Variants in LRP1B observed in about 807,000 individuals in gnomAD.
LRP1B encodes the protein low-density lipoprotein receptor-related protein 1B.
In LRP1B, 217 loss-of-function variants were observed where a neutral mutation model predicts 556.6. The ratio of observed to expected loss-of-function variants is 0.39; its 90% confidence interval spans 0.35 to 0.44. The LOEUF is 0.44. Among genes scored for constraint, LRP1B ranks in the 20% least tolerant of loss-of-function variants. The pLI, the probability that LRP1B is intolerant of heterozygous loss-of-function variation, is 1.00. For synonymous variants in LRP1B, 2,047 were observed against 1,865.8 expected, an observed-to-expected ratio of 1.10 and a Z score of -2.50; for missense variants, 5,053 against 5,620.8, an observed-to-expected ratio of 0.90 and a Z score of 3.23.
intron 41 of LRP1B, among the ~76,000 whole-genome samples, chr2:140,652,873 A>C (rs1684739896): frequency 6.6e-6 from 1 of 152,136 alleles, no homozygotes; most frequent in South Asian, 2.1e-4. Context: ...TACTTAAAAA[A>C]ATTGTTGAAA....
intron 11 of LRP1B, among the ~76,000 whole-genome samples, chr2:141,028,437 G>A (rs892030368): frequency 6.6e-6 from 1 of 151,644 alleles, no homozygotes; most frequent in African/African-American, 2.4e-5. Flanking sequence ...TGTTAAGACG[G>A]GTGTATTATG....
At chr2:140,923,193 G>A (rs747689531) in intron 20 of LRP1B, 46 bp from the exon 21 acceptor site, 1 of 1,424,550 alleles carries the variant, frequency 7.0e-7, no homozygotes, top group Non-Finnish European at 9.7e-7. Flanking sequence ...GGCAAGACAG[G>A]AGAGAAATTA....
At chr2:141,879,840 ATTACT>A (rs1342741295) in intron 1 of LRP1B, among the ~76,000 whole-genome samples, 2 of 152,146 alleles carry the variant, frequency 1.3e-5, no homozygotes, top group East Asian at 3.9e-4. Context: ...ATTTTTAAAA[ATTACT>A]TTATACTCCA....
At chr2:141,304,666 A>AT (rs1418487756) in intron 3 of LRP1B, among the ~76,000 whole-genome samples, 3 of 150,306 alleles carry the variant, frequency 2.0e-5, no homozygotes, top group Non-Finnish European at 3.0e-5. Flanking sequence ...CTATATATAT[A>AT]TATTTTTTAT....
At chr2:141,018,831 T>C (rs541144591) in intron 12 of LRP1B, among the ~76,000 whole-genome samples, 18 of 152,080 alleles carry the variant, frequency 1.2e-4, no homozygotes, top group Non-Finnish European at 2.2e-4. Context: ...ATGAAACACT[T>C]ACAATGAGTT....
At chr2:141,836,507 G>A (rs1697284187) in intron 1 of LRP1B, among the ~76,000 whole-genome samples, 3 of 151,644 alleles carry the variant, frequency 2.0e-5, no homozygotes, top group African/African-American at 7.3e-5. Flanking sequence ...CCTCTAAGCA[G>A]AATCAAACAG....
chr2:141,889,384 C>G (rs1033712787), intron 1 of LRP1B, among the ~76,000 whole-genome samples: 2 of 152,118 alleles, frequency 1.3e-5, no homozygotes, highest in African/African-American at 2.4e-5. Flanking sequence ...GCAAACTCAT[C>G]ATGTTTCTCC....
At chr2:140,423,624 T>C (rs1685540368) in intron 66 of LRP1B, among the ~76,000 whole-genome samples, 1 of 152,126 alleles carries the variant, frequency 6.6e-6, no homozygotes, top group African/African-American at 2.4e-5. Flanking sequence ...TACTCTTTGC[T>C]TATATTGGGA....
Position 140,919,725 on chromosome 2 carries a change from C to G in LRP1B, c.3319+3240G>C, listed in dbSNP as rs540731378. On this transcript the variant is annotated intron_variant, in intron 21 of 90. Coordinates refer to ENST00000389484, the MANE Select transcript of LRP1B (RefSeq NM_018557.3). The stretch of plus-strand genomic sequence containing the variant: ...AGATACATATTTTTTGTTCATCAGG[C>G]AGTATCTCCTTTATTTTATCCTGTT... Among the ~76,000 whole-genome samples the G allele has an allele frequency of 3.2e-4, 48 of 152,114 alleles. No individual in the cohort carries two copies. In the Middle Eastern group the frequency reaches 0.014, roughly 43 times the overall value.
intron 2 of LRP1B, among the ~76,000 whole-genome samples, chr2:141,804,429 G>C (rs1048323487): frequency 6.6e-6 from 1 of 152,016 alleles, no homozygotes. Flanking sequence ...GTTTTTGGAA[G>C]AGTTCCTAGA....
At chr2:140,510,111 T>A (rs2104918122) in intron 51 of LRP1B, 55 bp from the exon 52 acceptor site, 1 of 1,582,456 alleles carries the variant, frequency 6.3e-7, no homozygotes. Context: ...CTGGAAAATG[T>A]CTACCATTTA....
At chr2:141,326,946 C>T (rs2683866) in intron 3 of LRP1B, among the ~76,000 whole-genome samples, 93,488 of 151,894 alleles carry the variant, frequency 0.62, 30,346 homozygotes, top group Non-Finnish European at 0.73. Context: ...AATATCACGG[C>T]AGCAGGACCT....
At chr2:140,276,501 A>G (rs1682678589) in intron 84 of LRP1B, among the ~76,000 whole-genome samples, 1 of 151,930 alleles carries the variant, frequency 6.6e-6, no homozygotes, top group African/African-American at 2.4e-5. Flanking sequence ...TGGAGGGTAT[A>G]TATACACAAC....
chr2:140,615,844 C>T (rs1683237335), intron 41 of LRP1B, among the ~76,000 whole-genome samples: 2 of 152,000 alleles, frequency 1.3e-5, no homozygotes, highest in Non-Finnish European at 2.9e-5. Flanking sequence ...ATTTCCCCAA[C>T]TATCTGTAAA....
intron 2 of LRP1B, among the ~76,000 whole-genome samples, chr2:141,650,318 G>C (rs1689738313): frequency 6.6e-6 from 1 of 152,188 alleles, no homozygotes; most frequent in Non-Finnish European, 1.5e-5. Context: ...TTCTTTGTGA[G>C]TATGGTTTTT....
At chr2:141,442,494 TAGTTATA>T (rs1681017158) in intron 3 of LRP1B, among the ~76,000 whole-genome samples, 2 of 151,416 alleles carry the variant, frequency 1.3e-5, no homozygotes, top group Admixed American at 1.3e-4. Context: ...GTTTGTTACA[TAGTTATA>T]CAAGTGCCAT....
chr2:141,818,741 T>A lies in LRP1B; in HGVS notation c.83-8340A>T, dbSNP rs189971530. Among the ~76,000 whole-genome samples the A allele has an allele frequency of 5.5e-3, 828 of 150,888 alleles. 16 individuals are homozygous for A. The highest frequency in any genetic ancestry group is 0.041 in the East Asian group (200 of 4,840). On this transcript the variant is annotated intron_variant, in intron 1 of 90. Coordinates refer to ENST00000389484, the MANE Select transcript of LRP1B (RefSeq NM_018557.3). ...TTAGTAGAGACGGGGTTTCACCGTG[T>A]TAGCCAGGATGGTCTCGATCTCCTG... is the stretch of plus-strand genomic sequence containing the variant.
intron 41 of LRP1B, among the ~76,000 whole-genome samples, chr2:140,645,444 A>ATTCAATTG (rs1684443764): frequency 6.7e-6 from 1 of 149,868 alleles, no homozygotes; most frequent in Non-Finnish European, 1.5e-5. Context: ...TTTTTAATGT[A>ATTCAATTG]TTCAATTGCC....
At chr2:141,169,098 C>T (rs754955390) in intron 7 of LRP1B, among the ~76,000 whole-genome samples, 3 of 151,494 alleles carry the variant, frequency 2.0e-5, no homozygotes, top group African/African-American at 4.9e-5. Context: ...CCAGCCCAAC[C>T]GACATGGTGA....
Sources: gnomAD v4.1 joint callset for allele counts (sites outside exome capture counted in the v4.1 genomes callset) on GRCh38, gnomAD v4.1.1 for gene constraint, MANE v1.5 for transcripts, NCBI Gene and HGNC (gene_info 2026-07-23, HGNC 2026-07-21) for gene names.